Variants in ASTN2 observed in about 807,000 individuals in gnomAD.
The protein encoded by ASTN2 is astrotactin-2.
ASTN2 carries 54 observed loss-of-function variants against 139.8 expected under a neutral mutation model. That is an observed-to-expected ratio of 0.39 (90% CI 0.31 to 0.48). ASTN2 has a LOEUF of 0.48. Among genes scored for constraint, ASTN2 ranks in the 20% least tolerant of loss-of-function variants. The pLI, the probability that ASTN2 is intolerant of heterozygous loss-of-function variation, is 0.95. For missense variants in ASTN2, 1,565 were observed against 1,725.1 expected (o/e 0.91, Z 1.64); for synonymous variants, 756 against 719.5 (o/e 1.05, Z -0.81).
intron 19 of ASTN2, among the ~76,000 whole-genome samples, chr9:116,513,065 C>T (rs534948287): frequency 5.9e-5 from 9 of 152,256 alleles, no homozygotes; most frequent in South Asian, 2.1e-4. Flanking sequence ...GGTTATTTTG[C>T]TTGTTAGTTG....
chr9:116,910,602 T>C (rs929786924), intron 10 of ASTN2, among the ~76,000 whole-genome samples: 11 of 152,168 alleles, frequency 7.2e-5, no homozygotes, highest in African/African-American at 2.4e-4. Flanking sequence ...TGGAGGATCC[T>C]GAAGCTGAGG....
At chr9:117,277,837 T>C (rs1046900819) in intron 2 of ASTN2, among the ~76,000 whole-genome samples, 4 of 152,200 alleles carry the variant, frequency 2.6e-5, no homozygotes, top group Non-Finnish European at 4.4e-5. Flanking sequence ...ATAATGCACA[T>C]AAACTTCCCT....
At chr9:116,545,699 A>G (rs981547555) in intron 19 of ASTN2, 3 of 152,218 alleles carry the variant, frequency 2.0e-5, no homozygotes, top group African/African-American at 4.8e-5. Context: ...AAGAAAATTC[A>G]TATTTTTTTC....
At chr9:117,398,715 G>C (rs986193084) in intron 1 of ASTN2, among the ~76,000 whole-genome samples, 2 of 152,196 alleles carry the variant, frequency 1.3e-5, no homozygotes, top group Non-Finnish European at 2.9e-5. Context: ...GGGTGGAGGA[G>C]AGACTTTCAG....
intron 10 of ASTN2, among the ~76,000 whole-genome samples, chr9:116,936,475 A>G (rs540718923): frequency 6.6e-6 from 1 of 152,274 alleles, no homozygotes; most frequent in Admixed American, 6.5e-5. Context: ...GGGGTAGGTT[A>G]AGCAATTTGC....
intron 5 of ASTN2, among the ~76,000 whole-genome samples, chr9:117,057,314 G>A (rs959945007): frequency 7.2e-5 from 11 of 152,114 alleles, no homozygotes; most frequent in African/African-American, 2.7e-4. Flanking sequence ...GAAATGGAAG[G>A]CCACAGATTA....
chr9:117,046,856 A>C (rs1031058771), intron 5 of ASTN2, among the ~76,000 whole-genome samples: 2 of 152,186 alleles, frequency 1.3e-5, no homozygotes, highest in African/African-American at 4.8e-5. Context: ...TGAATGCTTA[A>C]ATGTTGTTTC....
chr9:117,407,171 G>T (rs1831018821), intron 1 of ASTN2, among the ~76,000 whole-genome samples: 1 of 152,190 alleles, frequency 6.6e-6, no homozygotes, highest in Non-Finnish European at 1.5e-5. Flanking sequence ...GGATGGTGAG[G>T]TAGAGGTGCC....
intron 16 of ASTN2, among the ~76,000 whole-genome samples, chr9:116,705,158 A>G (rs1346770802): frequency 6.6e-6 from 1 of 152,198 alleles, no homozygotes; most frequent in Non-Finnish European, 1.5e-5. Flanking sequence ...TATTAGCTCT[A>G]TGACCATTAA....
rs1027451368 is a variant in ASTN2 at position 116,600,344 on chromosome 9, A to AG, written c.3355+17979_3355+17980insC. 9.1e-5 allele frequency among the ~76,000 whole-genome samples: 13 copies of AG among 142,492 alleles called. No individual in the cohort carries two copies. The East Asian group carries it at 9.9e-4, about 11-fold the overall frequency. The allele number at this position is 142,492 out of a possible 152,430, so 93.5% of individuals were successfully genotyped here. ...GTCTCAAAAAAAAAAAAAAAAAAAAAAAAGAAAGAAAGAAAGAAAGAAAAA... is the reference window on the plus strand; with the variant it reads ...GTCTCAAAAAAAAAAAAAAAAAAAAAGAAAGAAAGAAAGAAAGAAAGAAAAA... On this transcript the variant is annotated intron_variant, in intron 19 of 22. Coordinates refer to ENST00000313400, the MANE Select transcript of ASTN2 (RefSeq NM_001365068.1).
chr9:117,130,742 T>TACAC (rs763665797), intron 4 of ASTN2, among the ~76,000 whole-genome samples: 1 of 152,156 alleles, frequency 6.6e-6, no homozygotes, highest in Admixed American at 6.5e-5. Flanking sequence ...GCTTTTGCTA[T>TACAC]ACACACACAC....
chr9:116,988,021 A>C (rs953867616), intron 7 of ASTN2, among the ~76,000 whole-genome samples: 3 of 152,148 alleles, frequency 2.0e-5, no homozygotes, highest in Non-Finnish European at 2.9e-5. Context: ...AAAAGTTATA[A>C]ATTGTTTACT....
intron 10 of ASTN2, among the ~76,000 whole-genome samples, chr9:116,898,286 G>T (rs1833926017): frequency 6.6e-6 from 1 of 151,862 alleles, no homozygotes; most frequent in Non-Finnish European, 1.5e-5. Flanking sequence ...GTGTATGCTT[G>T]TGGTCTCAGC....
intron 1 of ASTN2, among the ~76,000 whole-genome samples, chr9:117,345,381 C>T (rs1027976521): frequency 2.0e-5 from 3 of 152,094 alleles, no homozygotes; most frequent in African/African-American, 7.2e-5. Flanking sequence ...GAATCATAAC[C>T]ACAGCTACTT....
At chr9:117,167,637 T>C (rs1485801497) in intron 3 of ASTN2, among the ~76,000 whole-genome samples, 3 of 151,894 alleles carry the variant, frequency 2.0e-5, no homozygotes, top group Admixed American at 6.6e-5. Flanking sequence ...ACCAACTGAA[T>C]CAGGGAAAAA....
chr9:116,634,854 G>T lies in ASTN2; in HGVS notation c.3073-14411C>A, dbSNP rs1856996421. On this transcript the variant is annotated intron_variant, in intron 17 of 22. Transcript: ENST00000313400. Reference sequence around the variant, plus strand: ...AATTTTTGAATCAGTGGATCTCTAAGGGTAAGACAATTACTATTTTTTTTA... The same window carrying T: ...AATTTTTGAATCAGTGGATCTCTAATGGTAAGACAATTACTATTTTTTTTA... Among the ~76,000 whole-genome samples the T allele has an allele frequency of 2.6e-5, 4 of 152,036 alleles. No individual in the cohort carries two copies. The South Asian group carries it at 8.3e-4, about 32-fold the overall frequency.
At chr9:117,120,028 A>ATATACCCTGAG (rs1554780407) in intron 4 of ASTN2, among the ~76,000 whole-genome samples, 2 of 91,062 alleles carry the variant, frequency 2.2e-5, no homozygotes, top group Non-Finnish European at 2.5e-5. Flanking sequence ...GTATATATAT[A>ATATACCCTGAG]TATATATATA....
intron 16 of ASTN2, among the ~76,000 whole-genome samples, chr9:116,705,746 A>G (rs1002396713): frequency 1.3e-5 from 2 of 152,176 alleles, no homozygotes; most frequent in Admixed American, 1.3e-4. Context: ...TAAAAAATAC[A>G]AGAGAGTAAG....
At chr9:117,322,519 G>A (rs541598475) in intron 1 of ASTN2, among the ~76,000 whole-genome samples, 2 of 152,272 alleles carry the variant, frequency 1.3e-5, no homozygotes, top group South Asian at 2.1e-4. Flanking sequence ...CACACAGGCA[G>A]CAAATGGCAC....
Sources: allele counts gnomAD v4.1 joint callset (sites outside exome capture counted in the v4.1 genomes callset), GRCh38; gene constraint gnomAD v4.1.1; transcripts MANE v1.5; gene names NCBI Gene and HGNC (gene_info 2026-07-23, HGNC 2026-07-21).